Variants in ZFP64 observed in about 807,000 individuals in gnomAD.
ZFP64 encodes the protein zinc finger protein 64.
Under a neutral mutation model 51.6 loss-of-function variants are expected in ZFP64, and 14 were observed. The ratio of observed to expected loss-of-function variants is 0.27; its 90% confidence interval spans 0.18 to 0.42. The LOEUF (loss-of-function observed/expected upper bound fraction) is 0.42, where lower values mean the gene tolerates loss of function less well. ZFP64 is among the 10% of genes least tolerant of loss of function. The pLI is 1.00. For missense variants in ZFP64, 754 were observed against 906.8 expected, an observed-to-expected ratio of 0.83 and a Z score of 2.16; for synonymous variants, 375 against 361.4, an observed-to-expected ratio of 1.04 and a Z score of -0.43.
chr20:52,084,517 G>T lies in ZFP64; in HGVS notation c.*40C>A, dbSNP rs771303616. The T allele has an allele frequency of 7.6e-6, 12 of 1,572,206 alleles. No homozygotes were observed. The Admixed American group carries it at 1.9e-4, about 25-fold the overall frequency. On this transcript the variant is annotated 3_prime_UTR_variant, in exon 9 of 9. Transcript: ENST00000361387. ...CTCTGGAGGGCTGGGCAACAGCACT[G>T]GTCAGAAGTTCCGACAGCTGACCAC...
intron 5 of ZFP64, among the ~76,000 whole-genome samples, chr20:52,146,188 T>C (rs2122929811): frequency 6.6e-6 from 1 of 152,246 alleles, no homozygotes; most frequent in South Asian, 2.1e-4. Context: ...CTCAGAGATC[T>C]AGAACTAGAA....
intron 5 of ZFP64, among the ~76,000 whole-genome samples, chr20:52,119,576 A>AACACAC (rs138828393): frequency 1.4e-4 from 19 of 132,554 alleles, no homozygotes; most frequent in African/African-American, 5.3e-4. Context: ...ATACACACAC[A>AACACAC]ACACACACAC....
At position 52,152,047 on chromosome 20, in the gene ZFP64, C is replaced by T; in HGVS notation, c.*99G>A. On this transcript the variant is annotated 3_prime_UTR_variant, in exon 6 of 6. Coordinates refer to ENST00000216923, the MANE Select transcript of ZFP64 (RefSeq NM_018197.3). ...GCGAGACTCCGTCTCAAAAACAAAACAAAACAAAGAAAACATTAAGAGCAA... is the reference window on the plus strand; with the variant it reads ...GCGAGACTCCGTCTCAAAAACAAAATAAAACAAAGAAAACATTAAGAGCAA... 6.8e-7 allele frequency: 1 copy of T among 1,477,210 alleles called. No homozygotes were observed. The highest frequency in any genetic ancestry group is 9.0e-7 in the Non-Finnish European group (1 of 1,115,388). 91.5% of individuals were successfully genotyped at this position (1,477,210 alleles called of 1,614,324 possible). A position where few individuals can be genotyped will look rare whatever the true frequency, so the allele number is the denominator to read the frequency against.
chr20:52,105,516 G>T, intron 5 of ZFP64: 1 of 378,622 alleles, frequency 2.6e-6, no homozygotes, highest in Non-Finnish European at 4.5e-6. Context: ...CAGACCCGCT[G>T]AATCAGAATC....
At chr20:52,172,094 C>G (rs1982791469) in intron 2 of ZFP64, among the ~76,000 whole-genome samples, 1 of 152,144 alleles carries the variant, frequency 6.6e-6, no homozygotes, top group African/African-American at 2.4e-5. Context: ...CACTCATCCC[C>G]AGGTGAGTGT....
rs3746413 is a variant in ZFP64 at position 52,153,010 on chromosome 20, A to G, written c.1182T>C (p.His394=). The G allele has an allele frequency of 0.21, 341,139 of 1,613,760 alleles. 37,708 individuals carry two copies. The highest frequency in any genetic ancestry group is 0.32 in the Admixed American group (19,202 of 59,988). Residue 394 remains histidine, a synonymous_variant, in exon 6 of 6, where the codon CAT becomes CAC. Coordinates refer to ENST00000216923, the MANE Select transcript of ZFP64 (RefSeq NM_018197.3). This position sits in a 1 kb window ranked among gnomAD's most constrained non-coding sequence, Gnocchi z 5.1. ...GAGCCTCAGTCTTAACCATGTCCCC[A>G]TGGAACTTCTTCATGTGCTTGCTCA... ...SNLSKHMKKF[H]GDMVKTEALE...
intron 2 of ZFP64, chr20:52,175,875 C>CCCAAAA: frequency 3.1e-5 from 30 of 965,486 alleles, no homozygotes; most frequent in South Asian, 4.8e-5. Flanking sequence ...CCCCCGCCCC[C>CCCAAAA]AAAATAATTC....
intron 5 of ZFP64, among the ~76,000 whole-genome samples, chr20:52,146,108 C>T (rs1475251351): frequency 6.6e-6 from 1 of 151,536 alleles, no homozygotes; most frequent in African/African-American, 2.4e-5. Flanking sequence ...CACAAACATG[C>T]GCATTAGCCT....
At chr20:52,094,906 A>C (rs1460461211) in intron 7 of ZFP64, among the ~76,000 whole-genome samples, 1 of 152,198 alleles carries the variant, frequency 6.6e-6, no homozygotes, top group Non-Finnish European at 1.5e-5. Context: ...TTCTAACCCT[A>C]CAATGATGGT....
chr20:52,136,096 CAAAAAAAAAAA>C (rs71192597), intron 5 of ZFP64, among the ~76,000 whole-genome samples: 1 of 38,034 alleles, frequency 2.6e-5, no homozygotes, highest in African/African-American at 1.1e-4. Context: ...GAGACTCTCT[CAAAAAAAAAAA>C]AAAAAAAAAA....
intron 5 of ZFP64, among the ~76,000 whole-genome samples, chr20:52,113,557 A>T (rs1978711843): frequency 6.9e-6 from 1 of 144,168 alleles, no homozygotes; most frequent in South Asian, 2.2e-4. Flanking sequence ...CCTCCCAAGT[A>T]GCTGAGATTA....
At position 52,144,578 on chromosome 20, in the gene ZFP64, C is replaced by CAAAA. The variant is rs1156545584; in HGVS notation, c.763+15541_763+15544dup. Among the ~76,000 whole-genome samples the CAAAA allele has an allele frequency of 4.7e-3, 109 of 23,320 alleles. 23 individuals carry two copies. Among genetic ancestry groups the CAAAA allele is most frequent in the Non-Finnish European group, 5.5e-3 (76 of 13,870 alleles). The allele number at this position is 23,320 out of a possible 152,430, so 15.3% of individuals were successfully genotyped here. A position where few individuals can be genotyped will look rare whatever the true frequency, so the allele number is the denominator to read the frequency against. On this transcript the variant is annotated intron_variant, in intron 5 of 8. Transcript: ENST00000361387. ...CTGGTGACAGAGCGAGACTCCGTCT[C>CAAAA]AAAAAAAAAAAAAAAAAAAAAAAAT...
intron 5 of ZFP64, among the ~76,000 whole-genome samples, chr20:52,101,940 C>CAA (rs1190342919): frequency 0.2 from 15,163 of 77,160 alleles, 1,249 homozygotes; most frequent in East Asian, 0.4. Flanking sequence ...CTAAAAATAC[C>CAA]AAAAAAAAAA....
rs144273299 is a variant in ZFP64 at position 52,123,214 on chromosome 20, G to A, written c.764-24627C>T. Among the ~76,000 whole-genome samples, 748 of 152,140 alleles carry A rather than the reference G, an allele frequency of 4.9e-3. 5 individuals are homozygous for A. The highest frequency in any genetic ancestry group is 0.017 in the African/African-American group (694 of 41,502). ...CCATGTTAGCCAGGCGAACATGTTCGCCATGTTACCCAGTCTTGAACTCCT... is the reference window on the plus strand; with the variant it reads ...CCATGTTAGCCAGGCGAACATGTTCACCATGTTACCCAGTCTTGAACTCCT... On this transcript the variant is annotated intron_variant, in intron 5 of 8. Coordinates refer to the ZFP64 transcript ENST00000361387.
chr20:52,117,915 C>A (rs1223039207), intron 5 of ZFP64, among the ~76,000 whole-genome samples: 1 of 152,044 alleles, frequency 6.6e-6, no homozygotes, highest in African/African-American at 2.4e-5. Context: ...CCTGCCTCAG[C>A]TTCCTGCGTA....
At chr20:52,105,920 G>T (rs1978311593) in intron 5 of ZFP64, among the ~76,000 whole-genome samples, 1 of 152,116 alleles carries the variant, frequency 6.6e-6, no homozygotes, top group Non-Finnish European at 1.5e-5. Flanking sequence ...CATCCAAGCT[G>T]AGAAGCACGA....
rs575306529 is a variant in ZFP64, at chr20:52,145,412, G to T, written c.763+14711C>A. Among the ~76,000 whole-genome samples the T allele has an allele frequency of 5.9e-5, 9 of 152,230 alleles. No homozygotes were observed. The East Asian group carries it at 1.7e-3, about 29-fold the overall frequency. ...TCATGCCTGTAATCCCAGCACTTTG[G>T]GAGGCTTAGGTGGGTGGATCACTTG... is the stretch of plus-strand genomic sequence containing the variant. On this transcript the variant is annotated intron_variant, in intron 5 of 8. Coordinates refer to the ZFP64 transcript ENST00000361387.
At chr20:52,142,377 GACACACACACACACAC>G (rs142317072) in intron 5 of ZFP64, among the ~76,000 whole-genome samples, 24 of 118,468 alleles carry the variant, frequency 2.0e-4, no homozygotes, top group Admixed American at 3.2e-4. Context: ...CACACACACA[GACACACACACACACAC>G]ACACACACAC....
intron 2 of ZFP64, among the ~76,000 whole-genome samples, chr20:52,183,246 G>C (rs949388400): frequency 6.6e-5 from 10 of 152,168 alleles, no homozygotes; most frequent in Admixed American, 6.5e-5. Flanking sequence ...GCCAGGCCAA[G>C]GTGGGAAAGG....
Sources: gnomAD v4.1 joint callset for allele counts (sites outside exome capture counted in the v4.1 genomes callset) on GRCh38, gnomAD v4.1.1 for gene constraint, Gnocchi (gnomAD v3.1) non-coding constraint, MANE v1.5 for transcripts, NCBI Gene and HGNC (gene_info 2026-07-23, HGNC 2026-07-21) for gene names.